SPINK5: variants seen among roughly 807,000 people sequenced by gnomAD.
The protein encoded by SPINK5 is serine protease inhibitor Kazal-type 5.
SPINK5 carries 125 observed loss-of-function variants against 151.8 expected under a neutral mutation model. The observed-to-expected ratio is 0.82, with a 90% CI of 0.71 to 0.96. SPINK5 has a LOEUF of 0.96. Among genes scored for constraint, SPINK5 ranks in the 40% least tolerant of loss-of-function variants. The probability of loss-of-function intolerance (pLI) is 0.00; values close to 1 mark genes in which losing one functional copy is unlikely to be tolerated. For missense variants in SPINK5, 1,194 were observed against 1,291.9 expected, an observed-to-expected ratio of 0.92 and a Z score of 1.16; for synonymous variants, 374 against 395.3, an observed-to-expected ratio of 0.95 and a Z score of 0.64.
chr5:148,072,866 TAAA>T (rs10628434), intron 4 of SPINK5, among the ~76,000 whole-genome samples: 3 of 143,892 alleles, frequency 2.1e-5, no homozygotes, highest in Non-Finnish European at 3.1e-5. Flanking sequence ...TGTTCTCTGG[TAAA>T]AAAAAAAAAA....
At chr5:148,089,720 G>A in intron 7 of SPINK5, 99 bp downstream of exon 7, 1 of 1,560,148 alleles carries the variant, frequency 6.4e-7, no homozygotes, top group Non-Finnish European at 8.8e-7. Context: ...CATGAAGCAT[G>A]CAATTCTTTG....
In SPINK5 at chr5:148,101,377, A is replaced by G. The variant is rs892311897; in HGVS notation, c.1243A>G (p.Lys415Glu). 6.2e-7 allele frequency: 1 copy of G among 1,611,422 alleles called. No homozygotes were observed. Among genetic ancestry groups the G allele is most frequent in the Non-Finnish European group, 8.5e-7 (1 of 1,177,790 alleles). ...VFFQAEEEEK[K>E]KKEGKSRNKR... Reference sequence around the variant, plus strand: ...TAGCCAAGCAGAAGAAGAAGAAAAGAAAAAGAAGGAAGGTAAATCAAGAAA... The same window carrying G: ...TAGCCAAGCAGAAGAAGAAGAAAAGGAAAAGAAGGAAGGTAAATCAAGAAA... Residue 415 changes from lysine to glutamate, a missense_variant, in exon 14 of 33, where the codon AAA becomes GAA. Lys to Glu is a moderately conservative substitution (Grantham distance 56). Coordinates refer to ENST00000256084, the MANE Select transcript of SPINK5 (RefSeq NM_006846.4).
chr5:148,130,465 A>T (rs1754542871), intron 30 of SPINK5, among the ~76,000 whole-genome samples: 1 of 151,898 alleles, frequency 6.6e-6, no homozygotes, highest in South Asian at 2.1e-4. Flanking sequence ...CCATCATCCT[A>T]TTTGCTTTTG....
chr5:148,069,038 T>C (rs1752666634), intron 2 of SPINK5, among the ~76,000 whole-genome samples: 1 of 151,940 alleles, frequency 6.6e-6, no homozygotes, highest in Non-Finnish European at 1.5e-5. Flanking sequence ...GAGGTAGAGG[T>C]TGCAGTGAGC....
At position 148,118,970 on chromosome 5, in the gene SPINK5, C is replaced by CT; in HGVS notation, c.2241-10dup. On this transcript the variant is annotated splice_polypyrimidine_tract_variant and intron_variant, in intron 23 of 32. Transcript: ENST00000256084. ...TATTTGTTAACAAGATGAATATTCA[C>CT]TTTTTTCTCCTCCAGGGAAAGAGAA... is the stretch of plus-strand genomic sequence containing the variant. The CT allele has an allele frequency of 6.2e-7, 1 of 1,613,184 alleles. No homozygotes were observed. Among genetic ancestry groups the CT allele is most frequent in the Non-Finnish European group, 8.5e-7 (1 of 1,179,302 alleles).
rs7445392 is a variant in SPINK5, at chr5:148,071,888, C to T, written c.210-260C>T. Among the ~76,000 whole-genome samples, 71,269 of 151,796 alleles carry T rather than the reference C, an allele frequency of 0.47. 17,408 individuals are homozygous for T. The highest frequency in any genetic ancestry group is 0.6 in the Admixed American group (9,082 of 15,228). ...GATAGCTTTGAGAGTTGGTGACCAC[C>T]TGGCTGTTGGAAGTATTCCAGGAAG... On this transcript the variant is annotated intron_variant, in intron 3 of 32. Transcript: ENST00000256084.
At chr5:148,136,579 C>A (rs1754699274) in intron 32 of SPINK5, among the ~76,000 whole-genome samples, 1 of 152,148 alleles carries the variant, frequency 6.6e-6, no homozygotes, top group African/African-American at 2.4e-5. Flanking sequence ...TGGTCTACAA[C>A]AAACTATAGT....
At chr5:148,098,839 ATCT>A (rs1232568221) in intron 11 of SPINK5, among the ~76,000 whole-genome samples, 2 of 151,944 alleles carry the variant, frequency 1.3e-5, no homozygotes, top group Admixed American at 1.3e-4. Context: ...TCTACCTCTC[ATCT>A]TCTCTGATTA....
intron 2 of SPINK5, among the ~76,000 whole-genome samples, chr5:148,067,389 G>A (rs529420240): frequency 1.3e-5 from 2 of 152,112 alleles, no homozygotes; most frequent in Non-Finnish European, 2.9e-5. Context: ...GCCAGGGACT[G>A]GAAGTTACCC....
At chr5:148,106,444 C>A (rs765219339) in intron 16 of SPINK5, among the ~76,000 whole-genome samples, 5 of 151,868 alleles carry the variant, frequency 3.3e-5, no homozygotes, top group Non-Finnish European at 5.9e-5. Context: ...ACCTAAGCCT[C>A]CCAAGTAGCT....
At chr5:148,109,956 C>T (rs1368215310) in intron 18 of SPINK5, among the ~76,000 whole-genome samples, 1 of 152,158 alleles carries the variant, frequency 6.6e-6, no homozygotes, top group Non-Finnish European at 1.5e-5. Context: ...ACCAATTATA[C>T]TGGCCACCTT....
Position 148,070,392 on chromosome 5 carries a change from T to C in SPINK5, c.151T>C (p.Phe51Leu), listed in dbSNP as rs1296743627. 1.2e-6 allele frequency: 2 copies of C among 1,612,818 alleles called. No homozygotes were observed. Among genetic ancestry groups the C allele is most frequent in the Non-Finnish European group, 1.7e-6 (2 of 1,179,330 alleles). The stretch of plus-strand genomic sequence containing the variant: ...GTTCTGTCCCCAGGATAAGAAATTT[T>C]TTCAAAGTCTTGATGGAATAATGTT... ...KLFCPQDKKF[F>L]QSLDGIMFIN... Residue 51 changes from phenylalanine (F) to leucine (L), a missense_variant, in exon 3 of 33, where the codon TTT becomes CTT. Coordinates refer to ENST00000256084, the MANE Select transcript of SPINK5 (RefSeq NM_006846.4).
chr5:148,111,404 A>G (rs1168329311), intron 18 of SPINK5, among the ~76,000 whole-genome samples: 1 of 152,096 alleles, frequency 6.6e-6, no homozygotes, highest in Non-Finnish European at 1.5e-5. Flanking sequence ...TTGCCATGTA[A>G]GGCAGCATAT....
chr5:148,075,589 T>C (rs1034928515), intron 4 of SPINK5, among the ~76,000 whole-genome samples: 4 of 151,776 alleles, frequency 2.6e-5, no homozygotes, highest in African/African-American at 9.7e-5. Flanking sequence ...AGACTCTGAC[T>C]AAATCAGGTG....
In SPINK5 at chr5:148,086,921, TAA is replaced by T. The variant is rs986297360; in HGVS notation, c.410+390_410+391del. Among the ~76,000 whole-genome samples the T allele has an allele frequency of 5.6e-5, 8 of 142,602 alleles. No homozygotes were observed. The East Asian group carries it at 8.4e-4, about 15-fold the overall frequency. The allele number at this position is 142,602 out of a possible 152,430, so 93.6% of individuals were successfully genotyped here. The stretch of plus-strand genomic sequence containing the variant: ...TATAGACTTATGATTTTATAATCTA[TAA>T]GTTATAGATTATATGATTATCATAT... On this transcript the variant is annotated intron_variant, in intron 5 of 32. Transcript: ENST00000256084.
At chr5:148,085,173 T>G (rs1487378448) in intron 4 of SPINK5, among the ~76,000 whole-genome samples, 1 of 151,890 alleles carries the variant, frequency 6.6e-6, no homozygotes, top group East Asian at 1.9e-4. Flanking sequence ...TGGAGTATGT[T>G]CTTTAGCTTT....
chr5:148,064,181 C>A, intron 1 of SPINK5, 82 bp downstream of exon 1: 1 of 1,497,622 alleles, frequency 6.7e-7, no homozygotes, highest in Non-Finnish European at 9.3e-7. Context: ...CCTACTCCTG[C>A]CAAAAAATGT....
Position 148,095,949 on chromosome 5 carries a change from T to TG in SPINK5, c.882+51dup, listed in dbSNP as rs34533106. ...AATCTAGTTACAACTTGTGTGTGTG[T>TG]GGGGGGGTGCGTGTGTGAGAGAGTG... On this transcript the variant is annotated intron_variant, in intron 10 of 32. Coordinates refer to ENST00000256084, the MANE Select transcript of SPINK5 (RefSeq NM_006846.4). 1.7e-3 allele frequency: 2,415 copies of TG among 1,435,966 alleles called. 8 individuals carry two copies. The highest frequency in any genetic ancestry group is 6.5e-3 in the African/African-American group (428 of 66,118). The allele number at this position is 1,435,966 out of a possible 1,614,324, so 89.0% of individuals were successfully genotyped here.
intron 21 of SPINK5, among the ~76,000 whole-genome samples, chr5:148,115,325 G>C (rs1754056342): frequency 6.6e-6 from 1 of 152,140 alleles, no homozygotes; most frequent in African/African-American, 2.4e-5. Flanking sequence ...ATGCACACCA[G>C]AGATTTCGAG....
Sources: gnomAD v4.1 joint callset for allele counts (sites outside exome capture counted in the v4.1 genomes callset) on GRCh38, gnomAD v4.1.1 for gene constraint, MANE v1.5 for transcripts, NCBI Gene and HGNC (gene_info 2026-07-23, HGNC 2026-07-21) for gene names.